Variants in CNTN3 observed in about 807,000 individuals in gnomAD.
CNTN3 encodes the protein contactin 3.
CNTN3 carries 60 observed loss-of-function variants against 119.1 expected under a neutral mutation model. The ratio of observed to expected loss-of-function variants is 0.50; its 90% CI spans 0.41 to 0.62. The LOEUF (loss-of-function observed/expected upper bound fraction) is 0.62, where lower values mean the gene tolerates loss of function less well. Ranked by LOEUF, CNTN3 falls within the 20% of genes least tolerant of loss-of-function variation. The probability of loss-of-function intolerance (pLI) is 0.00; values close to 1 mark genes in which losing one functional copy is unlikely to be tolerated. For synonymous variants in CNTN3, 450 were observed against 438.7 expected (o/e 1.03, Z -0.32); for missense variants, 1,101 against 1,242.4 (o/e 0.89, Z 1.71).
chr3:74,403,962 T>C (rs1253246531), intron 5 of CNTN3, among the ~76,000 whole-genome samples: 1 of 152,120 alleles, frequency 6.6e-6, no homozygotes, highest in African/African-American at 2.4e-5. Flanking sequence ...TCCTCCCTGA[T>C]GTCTTCCTTC....
intron 20 of CNTN3, among the ~76,000 whole-genome samples, chr3:74,274,345 C>G (rs149789863): frequency 5.5e-4 from 84 of 152,198 alleles, no homozygotes; most frequent in African/African-American, 2.0e-3. Flanking sequence ...AGGAGGCCAA[C>G]CAGCACAAAA....
intron 19 of CNTN3, among the ~76,000 whole-genome samples, chr3:74,290,857 A>G (rs1702216079): frequency 6.6e-6 from 1 of 151,896 alleles, no homozygotes; most frequent in Non-Finnish European, 1.5e-5. Flanking sequence ...ACGCCCGGCT[A>G]ATTTTTTGTA....
intron 20 of CNTN3, among the ~76,000 whole-genome samples, chr3:74,278,883 T>C (rs606320): frequency 0.17 from 26,040 of 151,852 alleles, 3,725 homozygotes; most frequent in African/African-American, 0.39. Context: ...ATATCCAGAA[T>C]CTACAACGAA....
chr3:74,492,710 T>C (rs1392106689), intron 3 of CNTN3, among the ~76,000 whole-genome samples: 1 of 152,130 alleles, frequency 6.6e-6, no homozygotes, highest in African/African-American at 2.4e-5. Context: ...TAAAAATCAC[T>C]GCCTTCCAAC....
chr3:74,488,987 A>G (rs1268815480), intron 3 of CNTN3, among the ~76,000 whole-genome samples: 1 of 152,192 alleles, frequency 6.6e-6, no homozygotes, highest in East Asian at 1.9e-4. Flanking sequence ...TCTACCCTTA[A>G]GGTTTGAATT....
At chr3:74,547,015 C>A (rs1299915489) in intron 1 of CNTN3, among the ~76,000 whole-genome samples, 4 of 152,182 alleles carry the variant, frequency 2.6e-5, no homozygotes, top group Non-Finnish European at 5.9e-5. Context: ...ATGCTTCTGT[C>A]TATACACATC....
chr3:74,460,217 G>C (rs559748469), intron 4 of CNTN3, among the ~76,000 whole-genome samples: 1 of 151,860 alleles, frequency 6.6e-6, no homozygotes, highest in South Asian at 2.1e-4. Flanking sequence ...GATCTTCTTT[G>C]TTGAGACTGC....
At chr3:74,608,584 T>C (rs1705030382) in intron 1 of CNTN3, among the ~76,000 whole-genome samples, 1 of 152,182 alleles carries the variant, frequency 6.6e-6, no homozygotes. Flanking sequence ...ATTCAGATCA[T>C]ATCAAGATGT....
At chr3:74,464,087 T>G (rs956742529) in intron 4 of CNTN3, among the ~76,000 whole-genome samples, 2 of 152,132 alleles carry the variant, frequency 1.3e-5, no homozygotes, top group Admixed American at 6.6e-5. Context: ...AGTTAAAGCA[T>G]GAACTTTAGA....
chr3:74,410,259 C>A (rs77678852), intron 5 of CNTN3, among the ~76,000 whole-genome samples: 1,793 of 152,234 alleles, frequency 0.012, 40 homozygotes, highest in African/African-American at 0.041. Context: ...ACCTGTGAAT[C>A]TGAGACTCAG....
chr3:74,404,627 TAA>T (rs1388561136), intron 5 of CNTN3, among the ~76,000 whole-genome samples: 7 of 151,982 alleles, frequency 4.6e-5, no homozygotes, highest in Admixed American at 4.6e-4. Flanking sequence ...TCAGGAAAGC[TAA>T]GTTTTAGTAT....
At chr3:74,541,783 C>T (rs1471655533) in intron 1 of CNTN3, among the ~76,000 whole-genome samples, 1 of 152,068 alleles carries the variant, frequency 6.6e-6, no homozygotes, top group Non-Finnish European at 1.5e-5. Flanking sequence ...AAAAATGTTT[C>T]ACTATAAAAG....
rs1481957254 is a variant in CNTN3, at chr3:74,263,517, A to T, written c.*884T>A. The T allele has an allele frequency of 6.6e-6, 1 of 151,940 alleles. No homozygotes were observed. The highest frequency in any genetic ancestry group is 1.5e-5 in the Non-Finnish European group (1 of 67,962). The allele number at this position is 151,940 out of a possible 1,614,324, so 9.4% of individuals were successfully genotyped here. A position where few individuals can be genotyped will look rare whatever the true frequency, so the allele number is the denominator to read the frequency against. On this transcript the variant is annotated 3_prime_UTR_variant, in exon 23 of 23. Coordinates refer to ENST00000263665, the MANE Select transcript of CNTN3 (RefSeq NM_020872.3). The stretch of plus-strand genomic sequence containing the variant: ...TGTGAAGGAAACAATTCCTTTTTTA[A>T]TTTAAAAAAACTTTTTTTTTTTGAG...
chr3:74,513,647 A>T (rs1023158218), intron 2 of CNTN3, among the ~76,000 whole-genome samples: 19 of 151,954 alleles, frequency 1.3e-4, no homozygotes. Context: ...GCAGTCCAAA[A>T]AAAAAAAAAG....
At chr3:74,581,286 GAATAC>G (rs528822975) in intron 1 of CNTN3, among the ~76,000 whole-genome samples, 33 of 152,088 alleles carry the variant, frequency 2.2e-4, no homozygotes, top group African/African-American at 6.3e-4. Context: ...CAATGCTGCA[GAATAC>G]AATACAATGC....
intron 20 of CNTN3, among the ~76,000 whole-genome samples, chr3:74,277,210 C>T (rs574181632): frequency 6.6e-6 from 1 of 151,674 alleles, no homozygotes; most frequent in Non-Finnish European, 1.5e-5. Context: ...CCATTGGAAC[C>T]AATCCTGTTT....
intron 1 of CNTN3, among the ~76,000 whole-genome samples, chr3:74,613,897 T>C (rs1219698726): frequency 6.6e-6 from 1 of 152,002 alleles, no homozygotes; most frequent in African/African-American, 2.4e-5. Flanking sequence ...GATCTGTGAG[T>C]AGAAAGAAAA....
chr3:74,465,618 T>A (rs1381080668), intron 4 of CNTN3, among the ~76,000 whole-genome samples: 1 of 152,186 alleles, frequency 6.6e-6, no homozygotes, highest in Non-Finnish European at 1.5e-5. Flanking sequence ...AAAAATGCAT[T>A]TCTCCATACA....
intron 5 of CNTN3, among the ~76,000 whole-genome samples, chr3:74,391,109 G>T (rs188819983): frequency 3.3e-5 from 5 of 152,146 alleles, no homozygotes; most frequent in Admixed American, 1.3e-4. Context: ...TGACCATCTC[G>T]AGATTTACAT....
Sources: allele counts gnomAD v4.1 joint callset (sites outside exome capture counted in the v4.1 genomes callset), GRCh38; gene constraint gnomAD v4.1.1; transcripts MANE v1.5; gene names NCBI Gene and HGNC (gene_info 2026-07-23, HGNC 2026-07-21).